TENM3: variants seen among roughly 807,000 people sequenced by gnomAD.
TENM3 encodes teneurin-3.
A neutral mutation model predicts 255.1 loss-of-function variants in TENM3; 63 were observed. That is an observed-to-expected ratio of 0.25 (90% CI 0.20 to 0.30). The LOEUF (loss-of-function observed/expected upper bound fraction) is 0.30. TENM3 is among the 10% of genes least tolerant of loss of function. The pLI, the probability that TENM3 is intolerant of heterozygous loss-of-function variation, is 1.00. For missense variants in TENM3, 2,929 were observed against 3,461.1 expected (o/e 0.85, Z 3.86); for synonymous variants, 1,306 against 1,322.3 (o/e 0.99, Z 0.27).
At chr4:182,494,933 G>A (rs1426706700) in intron 3 of TENM3, among the ~76,000 whole-genome samples, 4 of 152,180 alleles carry the variant, frequency 2.6e-5, no homozygotes, top group African/African-American at 9.7e-5. Flanking sequence ...TACTATTGGA[G>A]GTCTTTAGCC....
chr4:181,766,642 A>G, the TENM3 span, among the ~76,000 whole-genome samples: 1 of 152,098 alleles, frequency 6.6e-6, no homozygotes, highest in African/African-American at 2.4e-5. Flanking sequence ...AAAGAAGTCA[A>G]AGAAAAAGGA....
chr4:181,515,728 G>C, the TENM3 span, among the ~76,000 whole-genome samples: 2 of 152,022 alleles, frequency 1.3e-5, no homozygotes, highest in Admixed American at 6.6e-5. Flanking sequence ...TGGTTTTGCT[G>C]CATCTCCATT....
At chr4:181,529,232 A>G in the TENM3 span, among the ~76,000 whole-genome samples, 1 of 152,122 alleles carries the variant, frequency 6.6e-6, no homozygotes, top group African/African-American at 2.4e-5. Flanking sequence ...TACCTCTCCT[A>G]CATGTCCAAA....
chr4:181,911,764 A>T, the TENM3 span, among the ~76,000 whole-genome samples: 2 of 152,236 alleles, frequency 1.3e-5, no homozygotes, highest in South Asian at 4.1e-4. Flanking sequence ...TATATTAGAC[A>T]CAGATGTTCT....
intron 3 of TENM3, among the ~76,000 whole-genome samples, chr4:182,575,269 C>A (rs915213961): frequency 1.3e-5 from 2 of 152,132 alleles, no homozygotes; most frequent in Non-Finnish European, 2.9e-5. Flanking sequence ...CTTGAAACTT[C>A]ATGCGAGTTT....
chr4:181,656,067 T>C, the TENM3 span, among the ~76,000 whole-genome samples: 1 of 152,154 alleles, frequency 6.6e-6, no homozygotes, highest in African/African-American at 2.4e-5. Flanking sequence ...GTTCTTGTCA[T>C]TTCCAGCCAG....
the TENM3 span, among the ~76,000 whole-genome samples, chr4:181,525,205 G>A: frequency 4.6e-5 from 7 of 152,134 alleles, no homozygotes; most frequent in East Asian, 9.8e-4. Context: ...GAGGCCAAGA[G>A]TTCCAGATCA....
the TENM3 span, among the ~76,000 whole-genome samples, chr4:182,019,827 G>C: frequency 9.2e-5 from 14 of 152,124 alleles, no homozygotes; most frequent in Admixed American, 8.5e-4. Flanking sequence ...ACCACATCCA[G>C]CTAATTTTTG....
At chr4:181,847,859 G>C in the TENM3 span, among the ~76,000 whole-genome samples, 1 of 152,020 alleles carries the variant, frequency 6.6e-6, no homozygotes, top group Non-Finnish European at 1.5e-5. Context: ...CTATATTAGA[G>C]TACAATTTTT....
At chr4:182,703,940 C>T (rs1419069190) in intron 12 of TENM3, among the ~76,000 whole-genome samples, 1 of 152,202 alleles carries the variant, frequency 6.6e-6, no homozygotes, top group Admixed American at 6.5e-5. Context: ...ACTATCCAGA[C>T]ACCACTGTAA....
intron 3 of TENM3, among the ~76,000 whole-genome samples, chr4:182,474,491 G>A (rs994973803): frequency 5.3e-5 from 8 of 152,090 alleles, no homozygotes; most frequent in African/African-American, 1.9e-4. Flanking sequence ...TATCCTTAGA[G>A]GCTAACAGAC....
At chr4:181,620,952 A>T in the TENM3 span, among the ~76,000 whole-genome samples, 1 of 152,192 alleles carries the variant, frequency 6.6e-6, no homozygotes, top group Non-Finnish European at 1.5e-5. Context: ...TCATACCTGT[A>T]ACACAAATAG....
At chr4:182,684,988 A>G (rs999849700) in intron 11 of TENM3, among the ~76,000 whole-genome samples, 1 of 152,180 alleles carries the variant, frequency 6.6e-6, no homozygotes, top group Non-Finnish European at 1.5e-5. Flanking sequence ...CCTATGAGTC[A>G]GTATCAGCAT....
the TENM3 span, among the ~76,000 whole-genome samples, chr4:182,037,830 A>T: frequency 6.6e-6 from 1 of 151,910 alleles, no homozygotes; most frequent in Non-Finnish European, 1.5e-5. Flanking sequence ...ATTTAAGAAA[A>T]TTTTTTATTT....
intron 3 of TENM3, among the ~76,000 whole-genome samples, chr4:182,422,187 G>C (rs1172933345): frequency 6.6e-6 from 1 of 151,938 alleles, no homozygotes; most frequent in Non-Finnish European, 1.5e-5. Context: ...ATTTATCAAC[G>C]GATAGCTACA....
At chr4:181,971,129 T>G in the TENM3 span, among the ~76,000 whole-genome samples, 1 of 152,310 alleles carries the variant, frequency 6.6e-6, no homozygotes, top group South Asian at 2.1e-4. Flanking sequence ...TTGGTAATTT[T>G]TAGTGATATT....
At chr4:182,219,144 C>T (rs1755699382) in intron 1 of TENM3, among the ~76,000 whole-genome samples, 1 of 152,268 alleles carries the variant, frequency 6.6e-6, no homozygotes, top group South Asian at 2.1e-4. Context: ...ATCGCTTGAA[C>T]CTGGGAGGCG....
chr4:182,616,979 A>G (rs1006498787), intron 4 of TENM3, among the ~76,000 whole-genome samples: 1 of 152,168 alleles, frequency 6.6e-6, no homozygotes, highest in African/African-American at 2.4e-5. Flanking sequence ...CTATTTTTTC[A>G]GCTTTTAATT....
chr4:181,853,253 C>A, the TENM3 span, among the ~76,000 whole-genome samples: 1 of 152,214 alleles, frequency 6.6e-6, no homozygotes, highest in Admixed American at 6.5e-5. Flanking sequence ...TCTCCACGAA[C>A]TGGATACATA....
Sources: gnomAD v4.1 joint callset for allele counts (sites outside exome capture counted in the v4.1 genomes callset) on GRCh38, gnomAD v4.1.1 for gene constraint, MANE v1.5 for transcripts, NCBI Gene and HGNC (gene_info 2026-07-23, HGNC 2026-07-21) for gene names.